Variants in CACNA2D2 observed in about 807,000 individuals in gnomAD.
The protein encoded by CACNA2D2 is voltage-dependent calcium channel subunit alpha-2/delta-2.
CACNA2D2 carries 48 observed loss-of-function variants against 166.4 expected under a neutral mutation model. That is an observed-to-expected ratio of 0.29 (90% CI 0.23 to 0.37). The LOEUF (loss-of-function observed/expected upper bound fraction) is 0.37. Among genes scored for constraint, CACNA2D2 ranks in the 10% least tolerant of loss-of-function variants. The pLI is 1.00. For missense variants in CACNA2D2, 1,122 were observed against 1,433.0 expected, an observed-to-expected ratio of 0.78 and a Z score of 3.50; for synonymous variants, 561 against 573.7, an observed-to-expected ratio of 0.98 and a Z score of 0.32.
intron 2 of CACNA2D2, among the ~76,000 whole-genome samples, chr3:50,468,032 G>A (rs1480181099): frequency 6.6e-6 from 1 of 152,162 alleles, no homozygotes; most frequent in East Asian, 1.9e-4. Context: ...ATGAATCCGA[G>A]GCAAGTGTCT....
At chr3:50,377,570 A>G in intron 16 of CACNA2D2, 29 bp from the exon 17 acceptor site, 1 of 1,607,936 alleles carries the variant, frequency 6.2e-7, no homozygotes, top group Non-Finnish European at 8.5e-7. Context: ...GGGGCTCCTC[A>G]GTGAGCTCAA....
chr3:50,410,354 C>T (rs182953059), intron 3 of CACNA2D2, among the ~76,000 whole-genome samples: 9 of 152,344 alleles, frequency 5.9e-5, no homozygotes, highest in African/African-American at 1.2e-4. Context: ...GTGAAGAAAC[C>T]GAGGCTCTGC....
intron 2 of CACNA2D2, among the ~76,000 whole-genome samples, chr3:50,472,350 G>A (rs1040443949): frequency 6.6e-6 from 1 of 152,214 alleles, no homozygotes; most frequent in South Asian, 2.1e-4. Flanking sequence ...TGGTTGATGA[G>A]GACTGGGAAA....
In CACNA2D2 at chr3:50,376,367, G is replaced by A. The variant is rs587720135; in HGVS notation, c.1627-179C>T. ...TGTCTCTCCAGCCAGGCCCGCAGGC[G>A]GGTTGCCCCTTGTGCACCAGCCCTT... is the stretch of plus-strand genomic sequence containing the variant. On this transcript the variant is annotated intron_variant, in intron 17 of 37. Coordinates refer to ENST00000424201, the MANE Select transcript of CACNA2D2 (RefSeq NM_006030.4). The surrounding 1 kb of genome is among the most constrained non-coding windows in gnomAD (Gnocchi z 4.3). Among the ~76,000 whole-genome samples the A allele has an allele frequency of 6.6e-5, 10 of 152,212 alleles. No individual in the cohort carries two copies. The South Asian group carries it at 1.0e-3, about 16-fold the overall frequency.
intron 2 of CACNA2D2, among the ~76,000 whole-genome samples, chr3:50,456,298 G>A (rs974733969): frequency 6.6e-5 from 10 of 152,144 alleles, no homozygotes; most frequent in African/African-American, 2.2e-4. Flanking sequence ...AGCTGCCCAG[G>A]GCAAGAAGAG....
chr3:50,468,987 C>A (rs1267755835), intron 2 of CACNA2D2, among the ~76,000 whole-genome samples: 1 of 152,064 alleles, frequency 6.6e-6, no homozygotes, highest in African/African-American at 2.4e-5. Context: ...CACCACCATG[C>A]CTAGCTAGTT....
intron 2 of CACNA2D2, among the ~76,000 whole-genome samples, chr3:50,439,851 G>A (rs956995743): frequency 2.0e-5 from 3 of 152,206 alleles, no homozygotes; most frequent in African/African-American, 4.8e-5. Flanking sequence ...GGCGATTGGC[G>A]ACAGGTAGTG....
chr3:50,488,453 C>T lies in CACNA2D2; in HGVS notation c.207-12254G>A, dbSNP rs147660632. 3.2e-3 allele frequency among the ~76,000 whole-genome samples: 484 copies of T among 152,246 alleles called. 5 individuals carry two copies. The highest frequency in any genetic ancestry group is 0.011 in the African/African-American group (464 of 41,536). ...GCCCGGGTGCAGAGCCTCTTCCCCC[C>T]GGCATCCTGACACTGCCCTGTACTT... On this transcript the variant is annotated intron_variant, in intron 1 of 37. Coordinates refer to ENST00000424201, the MANE Select transcript of CACNA2D2 (RefSeq NM_006030.4).
At chr3:50,391,119 C>A (rs2106718138) in intron 4 of CACNA2D2, among the ~76,000 whole-genome samples, 1 of 152,360 alleles carries the variant, frequency 6.6e-6, no homozygotes, top group South Asian at 2.1e-4. Context: ...CCAGCTGGCT[C>A]TTCTAGCCTG....
intron 1 of CACNA2D2, among the ~76,000 whole-genome samples, chr3:50,491,832 G>A (rs1028885835): frequency 6.6e-6 from 1 of 152,192 alleles, no homozygotes; most frequent in African/African-American, 2.4e-5. Flanking sequence ...ACTGGCCAGA[G>A]GGGTACCCAA....
At chr3:50,448,780 C>A (rs946032321) in intron 2 of CACNA2D2, among the ~76,000 whole-genome samples, 1 of 152,120 alleles carries the variant, frequency 6.6e-6, no homozygotes, top group African/African-American at 2.4e-5. Flanking sequence ...GGGACTAGAG[C>A]CCTGCACTGG....
At chr3:50,478,708 T>G (rs925736416) in intron 1 of CACNA2D2, among the ~76,000 whole-genome samples, 3 of 152,216 alleles carry the variant, frequency 2.0e-5, no homozygotes, top group Non-Finnish European at 4.4e-5. Context: ...AACACAGGAC[T>G]TGCCCTAGAA....
At chr3:50,486,346 A>T (rs1390697034) in intron 1 of CACNA2D2, among the ~76,000 whole-genome samples, 2 of 152,114 alleles carry the variant, frequency 1.3e-5, no homozygotes, top group African/African-American at 2.4e-5. Context: ...GTCACCAACC[A>T]TTCTGGTCAG....
intron 2 of CACNA2D2, among the ~76,000 whole-genome samples, chr3:50,475,706 A>T (rs1160880579): frequency 6.6e-6 from 1 of 152,054 alleles, no homozygotes; most frequent in Non-Finnish European, 1.5e-5. Flanking sequence ...CAGCACCTCA[A>T]GCACCGCTTT....
intron 1 of CACNA2D2, among the ~76,000 whole-genome samples, chr3:50,479,902 T>C (rs1697972725): frequency 6.6e-6 from 1 of 152,182 alleles, no homozygotes; most frequent in Non-Finnish European, 1.5e-5. Context: ...ATGCTTTTCA[T>C]TGAGATGACA....
chr3:50,478,842 G>A (rs990278541), intron 1 of CACNA2D2, among the ~76,000 whole-genome samples: 4 of 152,178 alleles, frequency 2.6e-5, no homozygotes, highest in African/African-American at 7.2e-5. Context: ...TTACACCACA[G>A]GAATTGGCAA....
intron 3 of CACNA2D2, among the ~76,000 whole-genome samples, chr3:50,409,834 T>C (rs1241831985): frequency 1.3e-5 from 2 of 152,198 alleles, no homozygotes; most frequent in Non-Finnish European, 2.9e-5. Flanking sequence ...TGGGAGACAC[T>C]GTGTGGCTGG....
chr3:50,500,297 G>A (rs1698906583), intron 1 of CACNA2D2, among the ~76,000 whole-genome samples: 1 of 152,198 alleles, frequency 6.6e-6, no homozygotes, highest in Admixed American at 6.5e-5. Context: ...CATCGCTGGA[G>A]CAGAGCTGGG....
intron 2 of CACNA2D2, among the ~76,000 whole-genome samples, chr3:50,473,901 G>A (rs4422301): frequency 0.086 from 13,164 of 152,252 alleles, 1,735 homozygotes; most frequent in African/African-American, 0.28. Context: ...ACAGAGAGCC[G>A]CTGGAGCGCT....
Sources: gnomAD v4.1 joint callset for allele counts (sites outside exome capture counted in the v4.1 genomes callset) on GRCh38, gnomAD v4.1.1 for gene constraint, Gnocchi (gnomAD v3.1) non-coding constraint, MANE v1.5 for transcripts, NCBI Gene and HGNC (gene_info 2026-07-23, HGNC 2026-07-21) for gene names.